RAB19: variants seen among roughly 807,000 people sequenced by gnomAD.
RAB19 encodes the protein ras-related protein Rab-19.
RAB19 carries 21 observed loss-of-function variants against 17.3 expected under a neutral mutation model. The observed-to-expected ratio is 1.21, with a 90% CI of 0.86 to 1.74. The LOEUF (loss-of-function observed/expected upper bound fraction) is 1.74. RAB19 is among the 40% of genes most tolerant of loss of function. The probability of loss-of-function intolerance (pLI) is 0.00; values close to 1 mark genes in which losing one functional copy is unlikely to be tolerated. For synonymous variants in RAB19, 126 were observed against 110.4 expected, an observed-to-expected ratio of 1.14 and a Z score of -0.88; for missense variants, 277 against 286.8, an observed-to-expected ratio of 0.97 and a Z score of 0.25.
intron 3 of RAB19, among the ~76,000 whole-genome samples, chr7:140,414,035 C>A (rs1390249040): frequency 2.6e-5 from 4 of 152,072 alleles, no homozygotes; most frequent in Non-Finnish European, 4.4e-5. Context: ...TCAGATGCCT[C>A]CCTCTGTGCT....
At chr7:140,416,243 G>A (rs1014562903) in intron 3 of RAB19, among the ~76,000 whole-genome samples, 3 of 151,926 alleles carry the variant, frequency 2.0e-5, no homozygotes, top group East Asian at 3.9e-4. Context: ...CGGGAGAGTC[G>A]CTTGAACCCA....
intron 3 of RAB19, among the ~76,000 whole-genome samples, chr7:140,422,124 C>T (rs757763138): frequency 5.9e-5 from 9 of 152,262 alleles, no homozygotes; most frequent in East Asian, 1.9e-4. Context: ...CAGTGGCTCA[C>T]GCCTGTAATC....
At position 140,427,066 on chromosome 7, in the gene RAB19, T is replaced by A. The variant is rs1455922057; in HGVS notation, c.*916T>A. ...CATGTTGCTCAGGCTGATCTTGAAC[T>A]CCTGAGCTCAGGTGATCTGCCCACC... On this transcript the variant is annotated 3_prime_UTR_variant, in exon 4 of 4. Transcript: ENST00000537763. Among the ~76,000 whole-genome samples the A allele has an allele frequency of 6.6e-6, 1 of 151,364 alleles. No homozygotes were observed. Among genetic ancestry groups the A allele is most frequent in the Admixed American group, 6.6e-5 (1 of 15,144 alleles).
Position 140,425,899 on chromosome 7 carries a change from T to C in RAB19, c.403T>C (p.Trp135Arg), listed in dbSNP as rs772928313. 6.2e-7 allele frequency: 1 copy of C among 1,610,940 alleles called. No homozygotes were observed. Among genetic ancestry groups the C allele is most frequent in the South Asian group, 1.1e-5 (1 of 90,834 alleles). Residue 135 changes from tryptophan (W) to arginine (R), a missense_variant, in exon 4 of 4, where the codon TGG becomes CGG. Trp to Arg is a moderately radical substitution (Grantham distance 101). Coordinates refer to ENST00000537763, the MANE Select transcript of RAB19 (RefSeq NM_001008749.3). ...IMLIGNKCDL[W>R]EKRHVLFEDA... ...CCTTCCAGGAAATAAATGTGACCTC[T>C]GGGAAAAGCGGCACGTCCTGTTCGA...
intron 3 of RAB19, among the ~76,000 whole-genome samples, chr7:140,412,393 A>G (rs948948408): frequency 6.6e-6 from 1 of 152,104 alleles, no homozygotes; most frequent in African/African-American, 2.4e-5. Flanking sequence ...CAGAGGTTGC[A>G]GTGAGCCGAG....
intron 3 of RAB19, among the ~76,000 whole-genome samples, chr7:140,413,300 A>G (rs1389975410): frequency 6.6e-6 from 1 of 151,574 alleles, no homozygotes; most frequent in Non-Finnish European, 1.5e-5. Flanking sequence ...GTATAATTTG[A>G]AGTCAGGCAA....
chr7:140,410,133 T>C (rs945038296), intron 2 of RAB19, among the ~76,000 whole-genome samples: 1 of 151,568 alleles, frequency 6.6e-6, no homozygotes, highest in Non-Finnish European at 1.5e-5. Flanking sequence ...TGTATGAGGT[T>C]CTTTTTTTAT....
intron 3 of RAB19, among the ~76,000 whole-genome samples, chr7:140,421,986 C>A (rs1799569636): frequency 6.6e-6 from 1 of 152,200 alleles, no homozygotes; most frequent in Middle Eastern, 3.4e-3. Context: ...CATTACTCTG[C>A]CTTTTACATT....
At chr7:140,406,789 C>A (rs1243837173) in intron 1 of RAB19, among the ~76,000 whole-genome samples, 1 of 151,892 alleles carries the variant, frequency 6.6e-6, no homozygotes, top group African/African-American at 2.4e-5. Context: ...CCAAACAGAA[C>A]AAAAAGGTCA....
rs553361261 is a variant in RAB19 at position 140,408,986 on chromosome 7, C to T, written c.201+1139C>T. Among the ~76,000 whole-genome samples, 116 of 152,320 alleles carry T rather than the reference C, an allele frequency of 7.6e-4. 1 individual carries two copies. The highest frequency in any genetic ancestry group is 7.1e-3 in the Admixed American group (109 of 15,300). On this transcript the variant is annotated intron_variant, in intron 2 of 3. Transcript: ENST00000537763. ...TGTTGCTCAGGCCAGTCTCAAACTC[C>T]TGGGCTCAAACAATCCTCCCACTTC...
At chr7:140,421,753 G>A (rs1799566588) in intron 3 of RAB19, among the ~76,000 whole-genome samples, 1 of 152,130 alleles carries the variant, frequency 6.6e-6, no homozygotes, top group Admixed American at 6.6e-5. Context: ...TCTTGCCTCG[G>A]CTTCCCAAAC....
Position 140,426,060 on chromosome 7 carries a change from T to A in RAB19, c.564T>A (p.Tyr188Ter). 6.2e-7 allele frequency: 1 copy of A among 1,614,144 alleles called. No homozygotes were observed. Among genetic ancestry groups the A allele is most frequent in the Non-Finnish European group, 8.5e-7 (1 of 1,180,034 alleles). Residue 188 changes from tyrosine to a stop codon, truncating the protein, a stop_gained, in exon 4 of 4, where the codon TAT becomes TAA. Coordinates refer to ENST00000537763, the MANE Select transcript of RAB19 (RefSeq NM_001008749.3). LOFTEE classifies it high-confidence loss of function. ...ELIARNSLHL[Y>*]GESALNGLPL... is the part of the protein sequence containing the mutation. ...TCGCGCGCAACAGCCTGCACCTATA[T>A]GGGGAGAGTGCCCTGAACGGCCTCC...
At chr7:140,412,806 G>A (rs1799391438) in intron 3 of RAB19, among the ~76,000 whole-genome samples, 1 of 151,392 alleles carries the variant, frequency 6.6e-6, no homozygotes, top group East Asian at 1.9e-4. Flanking sequence ...CAATTTCTAA[G>A]TGTTTACCAA....
chr7:140,424,159 A>ATTT (rs201170019), intron 3 of RAB19, among the ~76,000 whole-genome samples: 1 of 118,790 alleles, frequency 8.4e-6, no homozygotes, highest in Non-Finnish European at 1.7e-5. Context: ...CTGGCTGATA[A>ATTT]TTTTTTTTTT....
At chr7:140,424,723 T>G (rs1462553244) in intron 3 of RAB19, among the ~76,000 whole-genome samples, 1 of 149,952 alleles carries the variant, frequency 6.7e-6, no homozygotes, top group African/African-American at 2.5e-5. Context: ...TTCCCATATA[T>G]CTATAATTGT....
chr7:140,407,735 A>G lies in RAB19; in HGVS notation c.89A>G (p.Lys30Arg). The change falls in exon 2 of 4, where the codon AAG becomes AGG. Residue 30 changes from lysine to arginine, a missense_variant. Lys to Arg is a conservative substitution (Grantham distance 26). Transcript: ENST00000537763. The part of the protein sequence containing the change: ...IILIGDSNVG[K>R]TCVVQHFKSG... ...CTCATTGGGGATTCCAATGTGGGGA[A>G]GACGTGTGTGGTGCAGCATTTCAAG... 6.2e-7 allele frequency: 1 copy of G among 1,614,086 alleles called. No homozygotes were observed. Among genetic ancestry groups the G allele is most frequent in the African/African-American group, 1.3e-5 (1 of 75,022 alleles).
At chr7:140,404,750 T>G (rs988753395) in intron 1 of RAB19, among the ~76,000 whole-genome samples, 1 of 152,166 alleles carries the variant, frequency 6.6e-6, no homozygotes, top group Non-Finnish European at 1.5e-5. Context: ...CAGGTTTCAG[T>G]TACTTTTAGA....
chr7:140,415,607 C>A (rs1799441781), intron 3 of RAB19, among the ~76,000 whole-genome samples: 1 of 152,190 alleles, frequency 6.6e-6, no homozygotes, highest in Non-Finnish European at 1.5e-5. Flanking sequence ...TGGCCAAATA[C>A]ATTACTATTT....
At position 140,409,571 on chromosome 7, in the gene RAB19, C is replaced by A. The variant is rs112252366; in HGVS notation, c.201+1724C>A. ...AATTAACCGGGCGTGGTGGCACATG[C>A]CTGTAATCCCAGCTGGTCAGGAGGC... On this transcript the variant is annotated intron_variant, in intron 2 of 3. Transcript: ENST00000537763. 1.8e-4 allele frequency among the ~76,000 whole-genome samples: 28 copies of A among 152,020 alleles called. 1 individual carries two copies. The highest frequency in any genetic ancestry group is 2.2e-4 in the Non-Finnish European group (15 of 68,026).
Sources: gnomAD v4.1 joint callset for allele counts (sites outside exome capture counted in the v4.1 genomes callset) on GRCh38, gnomAD v4.1.1 for gene constraint, MANE v1.5 for transcripts, NCBI Gene and HGNC (gene_info 2026-07-23, HGNC 2026-07-21) for gene names.